Variants in EPB41L4A observed in about 807,000 individuals in gnomAD.
The protein encoded by EPB41L4A is band 4.1-like protein 4A.
A neutral mutation model predicts 108.6 loss-of-function variants in EPB41L4A; 100 were observed. The ratio of observed to expected loss-of-function variants is 0.92; its 90% CI spans 0.78 to 1.09. The LOEUF (loss-of-function observed/expected upper bound fraction) is 1.09. Among genes scored for constraint, EPB41L4A ranks in the 50% least tolerant of loss-of-function variants. The pLI is 0.00. For missense variants in EPB41L4A, 1,030 were observed against 842.7 expected, an observed-to-expected ratio of 1.22 and a Z score of -2.75; for synonymous variants, 319 against 289.0, an observed-to-expected ratio of 1.10 and a Z score of -1.05.
At chr5:112,312,210 A>T (rs1018434268) in intron 1 of EPB41L4A, among the ~76,000 whole-genome samples, 1 of 152,228 alleles carries the variant, frequency 6.6e-6, no homozygotes, top group Non-Finnish European at 1.5e-5. Context: ...GAGTTTACAA[A>T]GTATACAGAA....
intron 12 of EPB41L4A, among the ~76,000 whole-genome samples, chr5:112,219,366 A>G (rs931400425): frequency 1.9e-4 from 29 of 152,146 alleles, no homozygotes; most frequent in Admixed American, 5.2e-4. Context: ...CGCCCTGTGA[A>G]GACATGCCTT....
intron 18 of EPB41L4A, among the ~76,000 whole-genome samples, chr5:112,182,905 G>T (rs1174368874): frequency 6.6e-6 from 1 of 151,892 alleles, no homozygotes. Flanking sequence ...AAATTACAGA[G>T]TAATTAATAC....
chr5:112,198,175 C>A (rs1000941945), intron 15 of EPB41L4A, among the ~76,000 whole-genome samples: 8 of 152,066 alleles, frequency 5.3e-5, no homozygotes, highest in Non-Finnish European at 1.2e-4. Context: ...GCTGGGATTA[C>A]AGGCATGCAC....
At chr5:112,279,928 T>A (rs1477990461) in intron 3 of EPB41L4A, among the ~76,000 whole-genome samples, 2 of 151,812 alleles carry the variant, frequency 1.3e-5, no homozygotes, top group East Asian at 1.9e-4. Context: ...TTATGACCCA[T>A]CCCTGCAGCC....
intron 1 of EPB41L4A, among the ~76,000 whole-genome samples, chr5:112,366,248 T>C (rs1004277124): frequency 6.6e-6 from 1 of 151,380 alleles, no homozygotes; most frequent in Non-Finnish European, 1.5e-5. Context: ...CAGTTTTATT[T>C]GTTGTGGTAT....
chr5:112,193,136 C>T (rs1761787239), intron 17 of EPB41L4A, among the ~76,000 whole-genome samples: 1 of 152,116 alleles, frequency 6.6e-6, no homozygotes, highest in Admixed American at 6.5e-5. Flanking sequence ...GAATGCTTTC[C>T]TAAAAAAATG....
Position 112,256,500 on chromosome 5 carries a change from T to A in EPB41L4A, c.795+2729A>T, listed in dbSNP as rs116653802. Among the ~76,000 whole-genome samples, 962 of 152,190 alleles carry A rather than the reference T, an allele frequency of 6.3e-3. 12 individuals are homozygous for A. Among genetic ancestry groups the A allele is most frequent in the African/African-American group, 0.023 (935 of 41,528 alleles). Reference sequence around the variant, plus strand: ...ACAAGAATTCGGCAAAACGACTAGATATGAGATAAATAAAATTCCACAGCT... The same window carrying A: ...ACAAGAATTCGGCAAAACGACTAGAAATGAGATAAATAAAATTCCACAGCT... On this transcript the variant is annotated intron_variant, in intron 9 of 22. Transcript: ENST00000261486.
rs1760127930 is a variant in EPB41L4A at position 112,164,796 on chromosome 5, T to G, written c.*194A>C. 2.2e-6 allele frequency: 1 copy of G among 459,884 alleles called. No homozygotes were observed. Among genetic ancestry groups the G allele is most frequent in the African/African-American group, 2.2e-5 (1 of 46,032 alleles). 28.5% of individuals were successfully genotyped at this position (459,884 alleles called of 1,614,324 possible). A position where few individuals can be genotyped will look rare whatever the true frequency, so the allele number is the denominator to read the frequency against. ...CTGCGGTGAGCTGACACGGTGCCGC[T>G]GCACTCCAGCCTGGGCGACAGAGTG... On this transcript the variant is annotated 3_prime_UTR_variant, in exon 23 of 23. Coordinates refer to ENST00000261486, the MANE Select transcript of EPB41L4A (RefSeq NM_022140.5).
intron 1 of EPB41L4A, among the ~76,000 whole-genome samples, chr5:112,314,941 A>G (rs1755337213): frequency 1.3e-5 from 2 of 152,238 alleles, no homozygotes; most frequent in Non-Finnish European, 2.9e-5. Flanking sequence ...ACTTTCTGAA[A>G]TCAATAAATA....
At chr5:112,179,505 G>C (rs1481843886) in intron 18 of EPB41L4A, among the ~76,000 whole-genome samples, 2 of 152,076 alleles carry the variant, frequency 1.3e-5, no homozygotes, top group Admixed American at 1.3e-4. Context: ...CTTATGCTAG[G>C]AATGCAAGGA....
intron 9 of EPB41L4A, 63 bp downstream of exon 9, chr5:112,259,166 A>T: frequency 7.9e-7 from 1 of 1,273,136 alleles, no homozygotes; most frequent in African/African-American, 1.5e-5. Context: ...AATGTCTTTT[A>T]AGCTACAAAT....
chr5:112,144,830 T>C (rs1420258967), intron 13 of EPB41L4A, among the ~76,000 whole-genome samples: 6 of 152,166 alleles, frequency 3.9e-5, no homozygotes, highest in African/African-American at 1.2e-4. Context: ...TGTATGAATA[T>C]GTAATCTTGT....
Position 112,194,221 on chromosome 5 carries a change from T to C in EPB41L4A, c.1502+347A>G, listed in dbSNP as rs146549430. ...GGTTGGGTAAAATATAGTAATGCCA[T>C]TGAAAAGATAGTTCAGGGAGAAATC... On this transcript the variant is annotated intron_variant, in intron 17 of 22. Transcript: ENST00000261486. Among the ~76,000 whole-genome samples the C allele has an allele frequency of 9.3e-4, 141 of 152,252 alleles. No individual in the cohort carries two copies. In the East Asian group the frequency reaches 0.023, roughly 25 times the overall value.
chr5:112,268,335 G>A (rs976920798), intron 4 of EPB41L4A, among the ~76,000 whole-genome samples: 5 of 151,956 alleles, frequency 3.3e-5, no homozygotes, highest in Admixed American at 1.3e-4. Flanking sequence ...CTGAGATTGC[G>A]CCACTGCACC....
intron 2 of EPB41L4A, among the ~76,000 whole-genome samples, chr5:112,297,768 C>G (rs574204414): frequency 6.6e-6 from 1 of 152,184 alleles, no homozygotes; most frequent in South Asian, 2.1e-4. Flanking sequence ...AGTTTTAAGT[C>G]TTAATGATTT....
At chr5:112,183,205 C>T (rs958031229) in intron 18 of EPB41L4A, among the ~76,000 whole-genome samples, 2 of 152,026 alleles carry the variant, frequency 1.3e-5, no homozygotes, top group African/African-American at 4.8e-5. Flanking sequence ...TCCCTCAGAG[C>T]TCCCTACCTA....
At chr5:112,239,899 G>A (rs1233029313) in intron 10 of EPB41L4A, among the ~76,000 whole-genome samples, 162 bp from the exon 11 acceptor site, 2 of 152,068 alleles carry the variant, frequency 1.3e-5, no homozygotes, top group East Asian at 1.9e-4. Context: ...AAACAGGGAA[G>A]AACTCAATTT....
At chr5:112,172,353 A>T (rs972092453) in intron 18 of EPB41L4A, among the ~76,000 whole-genome samples, 5 of 152,222 alleles carry the variant, frequency 3.3e-5, no homozygotes, top group Non-Finnish European at 2.9e-5. Context: ...TCTACTAAAA[A>T]TACAAAAAAT....
At chr5:112,211,763 TA>T (rs1191131890) in intron 12 of EPB41L4A, among the ~76,000 whole-genome samples, 2 of 152,250 alleles carry the variant, frequency 1.3e-5, no homozygotes, top group East Asian at 3.9e-4. Flanking sequence ...AGATAAACAT[TA>T]ATAAATACAC....
Sources: gnomAD v4.1 joint callset for allele counts (sites outside exome capture counted in the v4.1 genomes callset) on GRCh38, gnomAD v4.1.1 for gene constraint, MANE v1.5 for transcripts, NCBI Gene and HGNC (gene_info 2026-07-23, HGNC 2026-07-21) for gene names.